Variants in ARHGAP19 observed in about 807,000 individuals in gnomAD.
ARHGAP19 encodes Rho GTPase activating protein 19.
ARHGAP19 carries 48 observed loss-of-function variants against 60.9 expected under a neutral mutation model. That is an observed-to-expected ratio of 0.79 (90% CI 0.62 to 1.00). The LOEUF is 1.00. Among genes scored for constraint, ARHGAP19 ranks in the 50% least tolerant of loss-of-function variants. The pLI is 0.00. For synonymous variants in ARHGAP19, 209 were observed against 215.5 expected, an observed-to-expected ratio of 0.97 and a Z score of 0.27; for missense variants, 562 against 597.2, an observed-to-expected ratio of 0.94 and a Z score of 0.61.
At chr10:97,261,138 G>T (rs1464799325) in intron 4 of ARHGAP19, among the ~76,000 whole-genome samples, 1 of 152,022 alleles carries the variant, frequency 6.6e-6, no homozygotes, top group Admixed American at 6.6e-5. Flanking sequence ...GACTAAAAAG[G>T]TTATCAATGA....
chr10:97,269,697 T>G (rs1309585647), intron 1 of ARHGAP19, among the ~76,000 whole-genome samples: 1 of 152,192 alleles, frequency 6.6e-6, no homozygotes, highest in African/African-American at 2.4e-5. Context: ...AAAAGAGTCT[T>G]ATAATTTATT....
At chr10:97,259,850 T>G (rs113293501) in intron 4 of ARHGAP19, among the ~76,000 whole-genome samples, 15 of 29,652 alleles carry the variant, frequency 5.1e-4, no homozygotes, top group African/African-American at 9.2e-4. Flanking sequence ...GTTTTGTTTT[T>G]TTTGAGACAA....
chr10:97,290,192 T>C (rs979829514), intron 1 of ARHGAP19, among the ~76,000 whole-genome samples: 2 of 152,324 alleles, frequency 1.3e-5, no homozygotes, highest in Non-Finnish European at 1.5e-5. Flanking sequence ...TCTATGTTTG[T>C]TATGGCTGGA....
chr10:97,287,955 G>A (rs11189100), intron 1 of ARHGAP19, among the ~76,000 whole-genome samples: 83,702 of 151,816 alleles, frequency 0.55, 23,671 homozygotes, highest in East Asian at 0.72. Context: ...CCAGCTACTC[G>A]GGATGCTGAG....
At chr10:97,254,394 T>C (rs1242116971) in intron 6 of ARHGAP19, among the ~76,000 whole-genome samples, 2 of 152,150 alleles carry the variant, frequency 1.3e-5, no homozygotes, top group Non-Finnish European at 1.5e-5. Context: ...TACATATATA[T>C]TCAAATGCTT....
chr10:97,244,702 A>T (rs756830148), intron 7 of ARHGAP19, among the ~76,000 whole-genome samples: 13 of 152,212 alleles, frequency 8.5e-5, no homozygotes, highest in Non-Finnish European at 1.6e-4. Context: ...CTCCAGTTAA[A>T]CTAGTTGAAA....
intron 1 of ARHGAP19, among the ~76,000 whole-genome samples, chr10:97,286,917 A>G (rs902467392): frequency 1.3e-5 from 2 of 151,860 alleles, no homozygotes; most frequent in African/African-American, 4.8e-5. Flanking sequence ...TGTTTATACT[A>G]TTATTGATAA....
At chr10:97,251,220 T>G (rs1310942902) in intron 6 of ARHGAP19, among the ~76,000 whole-genome samples, 156 of 9,892 alleles carry the variant, frequency 0.016, 1 homozygote, top group African/African-American at 0.027. Flanking sequence ...GGAAGGGGAA[T>G]GGAAGGGGAA....
chr10:97,256,922 C>T (rs2484882), intron 5 of ARHGAP19, among the ~76,000 whole-genome samples: 138,826 of 151,680 alleles, frequency 0.92, 64,597 homozygotes, highest in Non-Finnish European at 0.99. Flanking sequence ...GAGATTGAGA[C>T]CATCCTGGCT....
At chr10:97,290,344 C>A (rs1305109732) in intron 1 of ARHGAP19, among the ~76,000 whole-genome samples, 1 of 152,220 alleles carries the variant, frequency 6.6e-6, no homozygotes, top group Non-Finnish European at 1.5e-5. Context: ...ACTCCCATTG[C>A]CACTCCCGAT....
At chr10:97,257,215 C>T (rs1225521777) in intron 5 of ARHGAP19, among the ~76,000 whole-genome samples, 1 of 151,610 alleles carries the variant, frequency 6.6e-6, no homozygotes, top group Non-Finnish European at 1.5e-5. Flanking sequence ...AATTCAGTAA[C>T]TCTACTATCC....
chr10:97,258,399 T>C (rs898274609), intron 5 of ARHGAP19, among the ~76,000 whole-genome samples: 6 of 152,092 alleles, frequency 3.9e-5, no homozygotes, highest in Admixed American at 3.9e-4. Context: ...CCAGGAATAG[T>C]GGCTCACGCC....
At chr10:97,265,577 T>C (rs1264374463) in intron 2 of ARHGAP19, 2 of 388,534 alleles carry the variant, frequency 5.1e-6, no homozygotes, top group Non-Finnish European at 4.6e-6. Context: ...TATTTTCACA[T>C]ATTAATAGGG....
intron 1 of ARHGAP19, among the ~76,000 whole-genome samples, chr10:97,282,882 G>A (rs1313799833): frequency 5.5e-5 from 7 of 127,682 alleles, no homozygotes; most frequent in African/African-American, 6.0e-5. Context: ...CACTCTGGTC[G>A]CCCAGGCTGG....
chr10:97,239,717 T>C (rs1319582020), intron 8 of ARHGAP19, among the ~76,000 whole-genome samples: 1 of 150,374 alleles, frequency 6.7e-6, no homozygotes, highest in East Asian at 1.9e-4. Context: ...TTTGTTTTCT[T>C]TTTTTTTTGA....
At chr10:97,242,771 C>T (rs967428236) in intron 8 of ARHGAP19, among the ~76,000 whole-genome samples, 1 of 152,164 alleles carries the variant, frequency 6.6e-6, no homozygotes, top group Admixed American at 6.5e-5. Context: ...ACCTCATCCT[C>T]CCAAAGTGCT....
At chr10:97,286,647 T>C (rs61069494) in intron 1 of ARHGAP19, among the ~76,000 whole-genome samples, 1,920 of 152,324 alleles carry the variant, frequency 0.013, 21 homozygotes, top group East Asian at 0.021. Context: ...ACCTAAGGTA[T>C]ATGTAAATTA....
At chr10:97,263,128 A>G (rs1842852948) in intron 4 of ARHGAP19, among the ~76,000 whole-genome samples, 1 of 152,202 alleles carries the variant, frequency 6.6e-6, no homozygotes, top group Non-Finnish European at 1.5e-5. Flanking sequence ...AAAATGTTCT[A>G]CACACTACTC....
At position 97,225,143 on chromosome 10, in the gene ARHGAP19, C is replaced by CA. The variant is rs1304295574; in HGVS notation, c.*978_*979insT. On this transcript the variant is annotated 3_prime_UTR_variant, in exon 12 of 12. Transcript: ENST00000358531. ...CATCCTGGGACATAAAGGCAGCCAG[C>CA]CCCCTCCTAGGCACACTCCAGAGCT... The CA allele has an allele frequency of 6.6e-6, 1 of 152,306 alleles. No homozygotes were observed. Among genetic ancestry groups the CA allele is most frequent in the African/African-American group, 2.4e-5 (1 of 41,442 alleles). The allele number at this position is 152,306 out of a possible 1,614,324, so 9.4% of individuals were successfully genotyped here. A position where few individuals can be genotyped will look rare whatever the true frequency, so the allele number is the denominator to read the frequency against.
Sources: allele counts gnomAD v4.1 joint callset (sites outside exome capture counted in the v4.1 genomes callset), GRCh38; gene constraint gnomAD v4.1.1; transcripts MANE v1.5; gene names NCBI Gene and HGNC (gene_info 2026-07-23, HGNC 2026-07-21).